Variants in DOCK8 observed in about 807,000 individuals in gnomAD.
DOCK8 encodes the protein dedicator of cytokinesis protein 8.
In DOCK8, 141 loss-of-function variants were observed where a neutral mutation model predicts 245.6. The ratio of observed to expected loss-of-function variants is 0.57; its 90% CI spans 0.50 to 0.66. DOCK8 has a LOEUF of 0.66. DOCK8 is among the 30% of genes least tolerant of loss of function. The probability of loss-of-function intolerance (pLI) is 0.00; values close to 1 mark genes in which losing one functional copy is unlikely to be tolerated. For missense variants in DOCK8, 2,965 were observed against 2,603.4 expected (o/e 1.14, Z -3.02); for synonymous variants, 1,168 against 970.2 (o/e 1.20, Z -3.79).
At chr9:393,085 CAAAAAA>C (rs1159933739) in intron 24 of DOCK8, among the ~76,000 whole-genome samples, 1,014 of 44,604 alleles carry the variant, frequency 0.023, 9 homozygotes, top group African/African-American at 0.066. Flanking sequence ...GACCCTGTCT[CAAAAAA>C]AAAAAAAAAA....
chr9:330,555 T>A (rs1279204707), intron 9 of DOCK8, among the ~76,000 whole-genome samples: 1 of 152,224 alleles, frequency 6.6e-6, no homozygotes, highest in African/African-American at 2.4e-5. Flanking sequence ...CAATGATCCC[T>A]GTGCCTGAGT....
intron 28 of DOCK8, 105 bp from the exon 29 acceptor site, chr9:414,677 G>A: frequency 2.1e-6 from 3 of 1,410,698 alleles, no homozygotes; most frequent in Non-Finnish European, 3.0e-6. Context: ...GGTTTTCACA[G>A]TCACCTCATT....
chr9:289,181 A>G (rs2048939709), intron 3 of DOCK8, among the ~76,000 whole-genome samples: 1 of 152,222 alleles, frequency 6.6e-6, no homozygotes, highest in African/African-American at 2.4e-5. Flanking sequence ...ATAGGTATTT[A>G]TACTTATTTT....
intron 1 of DOCK8, among the ~76,000 whole-genome samples, chr9:250,890 G>C (rs1320000486): frequency 6.6e-6 from 1 of 152,166 alleles, no homozygotes; most frequent in African/African-American, 2.4e-5. Flanking sequence ...GGTAGCCTGC[G>C]AACATTGGAT....
intron 14 of DOCK8, among the ~76,000 whole-genome samples, chr9:351,411 C>T (rs2052161073): frequency 6.6e-6 from 1 of 152,214 alleles, no homozygotes; most frequent in Admixed American, 6.5e-5. Flanking sequence ...GTGCCTTTCT[C>T]ACTCACCAAT....
At chr9:271,886 T>C (rs578261630) in intron 2 of DOCK8, among the ~76,000 whole-genome samples, 157 bp downstream of exon 2, 1 of 152,290 alleles carries the variant, frequency 6.6e-6, no homozygotes, top group South Asian at 2.1e-4. Flanking sequence ...TCAGACAATA[T>C]CCCTCTCTCT....
intron 14 of DOCK8, among the ~76,000 whole-genome samples, chr9:355,552 G>GA (rs1358697592): frequency 6.7e-5 from 10 of 149,280 alleles, no homozygotes; most frequent in African/African-American, 1.5e-4. Flanking sequence ...TCTAATAAAA[G>GA]AAAAAAAAAT....
intron 1 of DOCK8, among the ~76,000 whole-genome samples, chr9:225,014 T>A (rs1331202325): frequency 6.6e-6 from 1 of 152,208 alleles, no homozygotes. Context: ...CAGATCCCCT[T>A]AGATGGGGTA....
chr9:271,908 G>T (rs1026882870), intron 2 of DOCK8, among the ~76,000 whole-genome samples, 179 bp downstream of exon 2: 7 of 152,106 alleles, frequency 4.6e-5, no homozygotes, highest in African/African-American at 1.7e-4. Flanking sequence ...TCTGCCAACC[G>T]GTACTTAGGG....
At chr9:463,789 C>A in intron 47 of DOCK8, 102 bp downstream of exon 47, 2 of 1,405,880 alleles carry the variant, frequency 1.4e-6, no homozygotes, top group Non-Finnish European at 9.9e-7. Context: ...AGCTGCAGAA[C>A]CTCGAAAGGG....
At chr9:339,552 G>T (rs2051479167) in intron 13 of DOCK8, among the ~76,000 whole-genome samples, 1 of 152,126 alleles carries the variant, frequency 6.6e-6, no homozygotes, top group Non-Finnish European at 1.5e-5. Context: ...GTCTTGCTCT[G>T]TCACCAGGCT....
At chr9:231,563 C>G (rs1362458994) in intron 1 of DOCK8, among the ~76,000 whole-genome samples, 4 of 152,042 alleles carry the variant, frequency 2.6e-5, no homozygotes, top group African/African-American at 7.3e-5. Context: ...TGTTTGTATC[C>G]TCTTTTATTT....
intron 1 of DOCK8, among the ~76,000 whole-genome samples, chr9:249,775 G>A (rs1436321546): frequency 7.2e-6 from 1 of 138,858 alleles, no homozygotes; most frequent in Non-Finnish European, 1.6e-5. Context: ...CCACCACCAT[G>A]CCTGGCTAAT....
intron 1 of DOCK8, among the ~76,000 whole-genome samples, chr9:258,678 A>T (rs1333862228): frequency 6.9e-6 from 1 of 144,432 alleles, no homozygotes; most frequent in African/African-American, 2.6e-5. Context: ...GCATACTGCA[A>T]CCTCTGCCTC....
chr9:401,097 T>TCACCACCTCTCCCATTACCAC (rs2055074546), intron 26 of DOCK8, among the ~76,000 whole-genome samples: 1 of 144,612 alleles, frequency 6.9e-6, no homozygotes, highest in African/African-American at 2.7e-5. Flanking sequence ...TCCACCACCA[T>TCACCACCTCTCCCATTACCAC]CACCACCTCT....
chr9:282,670 G>C (rs966862990), intron 2 of DOCK8, among the ~76,000 whole-genome samples: 3 of 151,904 alleles, frequency 2.0e-5, no homozygotes, highest in Non-Finnish European at 2.9e-5. Flanking sequence ...CAATCCTCCT[G>C]CGTTGGCCTC....
chr9:281,320 G>C (rs545834662), intron 2 of DOCK8, among the ~76,000 whole-genome samples: 71 of 152,068 alleles, frequency 4.7e-4, no homozygotes, highest in African/African-American at 1.7e-3. Flanking sequence ...CGAATGATAT[G>C]CATACTCTGA....
chr9:242,098 G>C (rs1344911038), intron 1 of DOCK8, among the ~76,000 whole-genome samples: 5 of 152,152 alleles, frequency 3.3e-5, no homozygotes, highest in Admixed American at 6.5e-5. Context: ...CAGGGCCTTA[G>C]ACGAATCATA....
intron 14 of DOCK8, among the ~76,000 whole-genome samples, chr9:362,221 G>A (rs781737792): frequency 6.6e-6 from 1 of 152,160 alleles, no homozygotes; most frequent in Non-Finnish European, 1.5e-5. Flanking sequence ...ACCAGTACCA[G>A]GAATGGCCGA....
Sources: allele counts gnomAD v4.1 joint callset (sites outside exome capture counted in the v4.1 genomes callset), GRCh38; gene constraint gnomAD v4.1.1; transcripts MANE v1.5; gene names NCBI Gene and HGNC (gene_info 2026-07-23, HGNC 2026-07-21).